Variants in OPCML observed in about 807,000 individuals in gnomAD.
The protein encoded by OPCML is opioid-binding protein/cell adhesion molecule.
In OPCML, 13 loss-of-function variants were observed where a neutral mutation model predicts 37.8. The observed-to-expected ratio is 0.34, with a 90% CI of 0.22 to 0.55. The LOEUF is 0.55. Ranked by LOEUF, OPCML falls within the 20% of genes least tolerant of loss-of-function variation. The pLI is 0.91. For synonymous variants in OPCML, 176 were observed against 168.8 expected, an observed-to-expected ratio of 1.04 and a Z score of -0.33; for missense variants, 341 against 435.6, an observed-to-expected ratio of 0.78 and a Z score of 1.93.
intron 4 of OPCML, among the ~76,000 whole-genome samples, chr11:132,446,037 A>G (rs1255650221): frequency 6.7e-6 from 1 of 148,970 alleles, no homozygotes; most frequent in Non-Finnish European, 1.5e-5. Context: ...AACGAAGAGC[A>G]TGAAGACAAG....
chr11:133,286,009 GAA>G (rs2136522340), intron 1 of OPCML, among the ~76,000 whole-genome samples: 1 of 152,314 alleles, frequency 6.6e-6, no homozygotes, highest in South Asian at 2.1e-4. Flanking sequence ...AAAATATGGA[GAA>G]AGAGAAATGA....
At chr11:132,583,375 T>C (rs1041800692) in intron 3 of OPCML, among the ~76,000 whole-genome samples, 2 of 152,186 alleles carry the variant, frequency 1.3e-5, no homozygotes, top group Non-Finnish European at 2.9e-5. Flanking sequence ...CATGGCTTAT[T>C]GTAGCCTCGA....
intron 3 of OPCML, among the ~76,000 whole-genome samples, chr11:132,583,602 A>G (rs2096466466): frequency 6.6e-6 from 1 of 151,700 alleles, no homozygotes; most frequent in Non-Finnish European, 1.5e-5. Context: ...GCCCAGCCAT[A>G]GGCTGATTTT....
chr11:132,855,496 G>A (rs973953588), intron 2 of OPCML, among the ~76,000 whole-genome samples: 1 of 152,172 alleles, frequency 6.6e-6, no homozygotes, highest in African/African-American at 2.4e-5. Context: ...GTTTATCTGT[G>A]CAGCAGGCAT....
At chr11:132,480,407 A>C (rs191505619) in intron 4 of OPCML, among the ~76,000 whole-genome samples, 215 of 152,356 alleles carry the variant, frequency 1.4e-3, no homozygotes, top group Middle Eastern at 0.01. Context: ...TGTACCTGAA[A>C]GTGATGGGGA....
chr11:132,702,758 C>G (rs982120220), intron 2 of OPCML, among the ~76,000 whole-genome samples: 1 of 149,936 alleles, frequency 6.7e-6, no homozygotes, highest in Non-Finnish European at 1.5e-5. Context: ...CTTTTTTTTT[C>G]TTTTTGTTCC....
At chr11:132,911,012 T>C (rs1362460199) in intron 2 of OPCML, among the ~76,000 whole-genome samples, 1 of 152,210 alleles carries the variant, frequency 6.6e-6, no homozygotes, top group African/African-American at 2.4e-5. Context: ...GATGCAGAGA[T>C]TAAAACTGAG....
intron 1 of OPCML, among the ~76,000 whole-genome samples, chr11:133,294,820 T>C (rs57940576): frequency 8.1e-6 from 1 of 124,046 alleles, no homozygotes; most frequent in African/African-American, 3.2e-5. Context: ...TCTTTCTTTT[T>C]TTTTTTTTTT....
At chr11:132,575,336 A>C (rs987551678) in intron 3 of OPCML, among the ~76,000 whole-genome samples, 6 of 151,780 alleles carry the variant, frequency 4.0e-5, no homozygotes, top group African/African-American at 1.5e-4. Flanking sequence ...TTCTTCATTA[A>C]CTGTTTTCCT....
intron 1 of OPCML, among the ~76,000 whole-genome samples, chr11:133,337,015 A>G (rs1397587227): frequency 3.3e-5 from 5 of 152,228 alleles, no homozygotes; most frequent in African/African-American, 1.2e-4. Context: ...AAATGAATAT[A>G]AAATGCAGAA....
At chr11:133,108,439 A>C (rs1039851858) in intron 1 of OPCML, among the ~76,000 whole-genome samples, 1 of 152,228 alleles carries the variant, frequency 6.6e-6, no homozygotes, top group Non-Finnish European at 1.5e-5. Context: ...CTAAAATTGC[A>C]ATCAACAATC....
chr11:133,498,043 C>T (rs576992231), intron 1 of OPCML, among the ~76,000 whole-genome samples: 7 of 152,348 alleles, frequency 4.6e-5, no homozygotes, highest in African/African-American at 1.4e-4. Context: ...GTATAAATTA[C>T]AGGCCAGGCT....
intron 1 of OPCML, among the ~76,000 whole-genome samples, chr11:132,998,982 C>A (rs1946940451): frequency 6.6e-6 from 1 of 152,142 alleles, no homozygotes; most frequent in Non-Finnish European, 1.5e-5. Flanking sequence ...ACACAGAAGA[C>A]CTCTGAAGTC....
At chr11:132,632,396 G>A (rs1940207553) in intron 3 of OPCML, among the ~76,000 whole-genome samples, 1 of 152,048 alleles carries the variant, frequency 6.6e-6, no homozygotes, top group Admixed American at 6.6e-5. Flanking sequence ...TCACAACTCT[G>A]TGACACGAGA....
At chr11:133,027,722 CAT>C (rs1264138401) in intron 1 of OPCML, among the ~76,000 whole-genome samples, 2 of 1,188 alleles carry the variant, frequency 1.7e-3, no homozygotes, top group African/African-American at 7.9e-3. Flanking sequence ...GGTGTGTATG[CAT>C]ATGTGATGTG....
chr11:132,738,926 C>T (rs973030091), intron 2 of OPCML, among the ~76,000 whole-genome samples: 2 of 152,088 alleles, frequency 1.3e-5, no homozygotes, highest in Non-Finnish European at 2.9e-5. Context: ...CCAAAATATG[C>T]CACGTGGCAT....
At chr11:133,332,365 T>C (rs906642019) in intron 1 of OPCML, among the ~76,000 whole-genome samples, 1 of 152,202 alleles carries the variant, frequency 6.6e-6, no homozygotes, top group Non-Finnish European at 1.5e-5. Context: ...AATGATGTCA[T>C]CTGGAACAGA....
At chr11:133,501,216 T>C (rs1014459538) in intron 1 of OPCML, among the ~76,000 whole-genome samples, 2 of 152,166 alleles carry the variant, frequency 1.3e-5, no homozygotes, top group South Asian at 2.1e-4. Flanking sequence ...TTCTATACGC[T>C]GTCCACAGGC....
At chr11:132,498,348 A>G in intron 4 of OPCML, among the ~76,000 whole-genome samples, 1 of 152,206 alleles carries the variant, frequency 6.6e-6, no homozygotes, top group Non-Finnish European at 1.5e-5. Context: ...TCACAGCCCT[A>G]GTATATTTCC....
Sources: gnomAD v4.1 joint callset for allele counts (sites outside exome capture counted in the v4.1 genomes callset) on GRCh38, gnomAD v4.1.1 for gene constraint, MANE v1.5 for transcripts, NCBI Gene and HGNC (gene_info 2026-07-23, HGNC 2026-07-21) for gene names.